CEP63: variants seen among roughly 807,000 people sequenced by gnomAD.
CEP63 encodes centrosomal protein 63.
A neutral mutation model predicts 89.1 loss-of-function variants in CEP63; 84 were observed. The observed-to-expected ratio is 0.94, with a 90% CI of 0.79 to 1.13. The LOEUF is 1.13. Among genes scored for constraint, CEP63 ranks in the 50% most tolerant of loss-of-function variants. The pLI is 0.00. For synonymous variants in CEP63, 267 were observed against 272.5 expected, an observed-to-expected ratio of 0.98 and a Z score of 0.20; for missense variants, 838 against 813.3, an observed-to-expected ratio of 1.03 and a Z score of -0.37.
chr3:134,760,330 A>T, the CEP63 span, among the ~76,000 whole-genome samples: 1 of 152,118 alleles, frequency 6.6e-6, no homozygotes, highest in African/African-American at 2.4e-5. Flanking sequence ...AAGTGCTGGG[A>T]TTACAGGCCT....
chr3:134,631,126 G>A, the CEP63 span, among the ~76,000 whole-genome samples: 1 of 152,162 alleles, frequency 6.6e-6, no homozygotes, highest in Non-Finnish European at 1.5e-5. Flanking sequence ...CATCATTGAA[G>A]TCTCAGAAGG....
the CEP63 span, among the ~76,000 whole-genome samples, chr3:134,637,754 G>C: frequency 6.6e-6 from 1 of 152,208 alleles, no homozygotes; most frequent in Non-Finnish European, 1.5e-5. Context: ...TTGCCATCCT[G>C]CGTTACATGC....
chr3:134,691,949 A>G, the CEP63 span, among the ~76,000 whole-genome samples: 2 of 152,032 alleles, frequency 1.3e-5, no homozygotes, highest in Non-Finnish European at 2.9e-5. Context: ...TGACCTTGTG[A>G]TCTGCTCGTC....
chr3:134,630,766 A>G, the CEP63 span, among the ~76,000 whole-genome samples: 118 of 152,350 alleles, frequency 7.7e-4, no homozygotes, highest in African/African-American at 2.8e-3. Context: ...AGACTCAGGA[A>G]AGTCTTAATT....
Position 134,545,675 on chromosome 3 carries a change from G to C in CEP63, c.645G>C (p.Arg215=). The C allele has an allele frequency of 6.2e-7, 1 of 1,614,058 alleles. No individual in the cohort carries two copies. The highest frequency in any genetic ancestry group is 8.5e-7 in the Non-Finnish European group (1 of 1,180,000). The part of the protein sequence containing the change: ...EIQHLSSKLE[R]ANDTICANEL... Reference sequence around the variant, plus strand: ...AACACTTAAGCAGTAAACTGGAGCGGGCTAATGACACTATCTGTGCCAATG... The same window carrying C: ...AACACTTAAGCAGTAAACTGGAGCGCGCTAATGACACTATCTGTGCCAATG... Residue 215 remains arginine (R), a synonymous_variant, in exon 7 of 15, where the codon CGG becomes CGC. Coordinates refer to ENST00000675561, the MANE Select transcript of CEP63 (RefSeq NM_001353108.3).
chr3:134,726,836 T>C, the CEP63 span, among the ~76,000 whole-genome samples: 1 of 152,194 alleles, frequency 6.6e-6, no homozygotes, highest in Admixed American at 6.5e-5. Flanking sequence ...TTGCTCTCAC[T>C]GGGATTAGCA....
chr3:134,566,855 G>C (rs1332669017), downstream of CEP63, among the ~76,000 whole-genome samples: 1 of 152,130 alleles, frequency 6.6e-6, no homozygotes, highest in Non-Finnish European at 1.5e-5. Flanking sequence ...AGTCACTCTG[G>C]AAGACAGTTT....
the CEP63 span, among the ~76,000 whole-genome samples, chr3:134,721,858 T>C: frequency 1.3e-5 from 2 of 152,148 alleles, no homozygotes; most frequent in Admixed American, 6.6e-5. Flanking sequence ...AAAATATTGC[T>C]GGATTTAGTT....
the CEP63 span, among the ~76,000 whole-genome samples, chr3:134,754,188 C>G: frequency 1.3e-5 from 2 of 152,218 alleles, no homozygotes; most frequent in Non-Finnish European, 2.9e-5. Flanking sequence ...GATGGGGCTA[C>G]ACACACCACC....
chr3:134,608,635 T>C, the CEP63 span: 1 of 1,614,032 alleles, frequency 6.2e-7, no homozygotes, highest in Non-Finnish European at 8.5e-7. Context: ...CACTGGCACC[T>C]GCTCCGGGCT....
chr3:134,547,796 A>T (rs1204480669), intron 9 of CEP63, among the ~76,000 whole-genome samples: 1 of 151,484 alleles, frequency 6.6e-6, no homozygotes, highest in African/African-American at 2.4e-5. Context: ...TTTTGTAGAG[A>T]CGGTGTTTCA....
At chr3:134,699,798 A>G in the CEP63 span, among the ~76,000 whole-genome samples, 7 of 152,298 alleles carry the variant, frequency 4.6e-5, no homozygotes, top group Admixed American at 3.9e-4. Flanking sequence ...ATGCTTGACA[A>G]CTTCATGTGG....
chr3:134,696,713 AG>A, the CEP63 span, among the ~76,000 whole-genome samples: 1 of 152,086 alleles, frequency 6.6e-6, no homozygotes, highest in Non-Finnish European at 1.5e-5. Flanking sequence ...AGTGTGTGCA[AG>A]AGGGTATGCG....
chr3:134,636,830 T>C, the CEP63 span, among the ~76,000 whole-genome samples: 2 of 152,278 alleles, frequency 1.3e-5, no homozygotes, highest in Non-Finnish European at 2.9e-5. Context: ...GGTTGTGTTG[T>C]ATATTTCTTT....
At chr3:134,739,748 A>G in the CEP63 span, among the ~76,000 whole-genome samples, 1 of 148,620 alleles carries the variant, frequency 6.7e-6, no homozygotes, top group African/African-American at 2.5e-5. Context: ...AAATTGATTC[A>G]TGAGAATGGT....
Position 134,559,191 on chromosome 3 carries a change from A to C in CEP63, c.1715A>C (p.Glu572Ala). Residue 572 changes from glutamate (E) to alanine (A), a missense_variant, in exon 14 of 15, where the codon GAG (glutamate) becomes GCG (alanine). Glu to Ala is a moderately radical substitution (Grantham distance 107, BLOSUM62 -1). Coordinates refer to ENST00000675561, the MANE Select transcript of CEP63 (RefSeq NM_001353108.3). ...CACAGACATGATGGAATAAAGACTG[A>C]GCACTACAAAACAGATCTTCATTCT... ...GQHRHDGIKT[E>A]HYKTDLHSPR... 1 of 1,614,160 alleles carries C rather than the reference A, an allele frequency of 6.2e-7. No individual in the cohort carries two copies.
chr3:134,779,843 A>G, the CEP63 span: 3 of 152,262 alleles, frequency 2.0e-5, no homozygotes, highest in Admixed American at 2.0e-4. Context: ...CCCACTGACC[A>G]GGCTGTAAAC....
chr3:134,763,396 C>T, the CEP63 span, among the ~76,000 whole-genome samples: 1 of 152,044 alleles, frequency 6.6e-6, no homozygotes, highest in Admixed American at 6.5e-5. Flanking sequence ...GGCTATGTTA[C>T]GGAATGTCGA....
At chr3:134,768,195 A>G in the CEP63 span, among the ~76,000 whole-genome samples, 2 of 152,330 alleles carry the variant, frequency 1.3e-5, no homozygotes, top group African/African-American at 4.8e-5. Flanking sequence ...AGAAATAGGC[A>G]GGGACATGAT....
Sources: allele counts gnomAD v4.1 joint callset (sites outside exome capture counted in the v4.1 genomes callset), GRCh38; gene constraint gnomAD v4.1.1; transcripts MANE v1.5; gene names NCBI Gene and HGNC (gene_info 2026-07-23, HGNC 2026-07-21).